Variants in PCDHA5 observed in about 807,000 individuals in gnomAD.
PCDHA5 encodes the protein protocadherin alpha-5.
PCDHA5 carries 43 observed loss-of-function variants against 61.6 expected under a neutral mutation model. The observed-to-expected ratio is 0.70, with a 90% CI of 0.55 to 0.90. The LOEUF is 0.90. PCDHA5 is among the 40% of genes least tolerant of loss of function. PCDHA5 has a pLI of 0.00. For synonymous variants in PCDHA5, 627 were observed against 543.9 expected, an observed-to-expected ratio of 1.15 and a Z score of -2.13; for missense variants, 1,298 against 1,222.7, an observed-to-expected ratio of 1.06 and a Z score of -0.92.
At chr5:140,914,782 G>T (rs563426406) in intron 1 of PCDHA5, among the ~76,000 whole-genome samples, 3 of 151,862 alleles carry the variant, frequency 2.0e-5, no homozygotes, top group Non-Finnish European at 4.4e-5. Context: ...CTTATCTTAT[G>T]ACCCATTATT....
intron 3 of PCDHA5, among the ~76,000 whole-genome samples, chr5:141,003,829 A>G (rs1220753607): frequency 1.3e-5 from 2 of 152,184 alleles, no homozygotes; most frequent in Admixed American, 6.5e-5. Flanking sequence ...GGCTCTGCCT[A>G]ACGATTCAGA....
chr5:140,909,996 T>G (rs549464312), intron 1 of PCDHA5, among the ~76,000 whole-genome samples: 5 of 152,310 alleles, frequency 3.3e-5, no homozygotes, highest in African/African-American at 1.2e-4. Context: ...ACAGCATAAA[T>G]TGTTGTCAGT....
At chr5:140,877,097 T>A in intron 1 of PCDHA5, 1 of 1,613,308 alleles carries the variant, frequency 6.2e-7, no homozygotes, top group Non-Finnish European at 8.5e-7. Context: ...GACGCCGGCG[T>A]GCCGCCTCTG....
intron 1 of PCDHA5, among the ~76,000 whole-genome samples, chr5:140,881,178 G>A (rs924852150): frequency 2.0e-5 from 3 of 152,098 alleles, no homozygotes; most frequent in African/African-American, 7.2e-5. Flanking sequence ...TCTTTTCCTT[G>A]CTAAAGATAT....
intron 1 of PCDHA5, among the ~76,000 whole-genome samples, chr5:140,872,956 T>C (rs2054003251): frequency 6.6e-6 from 1 of 152,228 alleles, no homozygotes; most frequent in Admixed American, 6.5e-5. Context: ...CCACGTAGTA[T>C]CATCCCATCT....
chr5:140,984,641 C>T (rs2153834832), intron 3 of PCDHA5, among the ~76,000 whole-genome samples: 1 of 152,276 alleles, frequency 6.6e-6, no homozygotes, highest in South Asian at 2.1e-4. Context: ...TCTCTGCCTT[C>T]TCCCTGTCCT....
At chr5:140,828,655 C>T (rs1769872389) in intron 1 of PCDHA5, 1 of 1,613,992 alleles carries the variant, frequency 6.2e-7, no homozygotes, top group Non-Finnish European at 8.5e-7. Context: ...ACAGTGATGA[C>T]AATAAACAAA....
intron 1 of PCDHA5, chr5:140,834,189 G>A: frequency 1.7e-6 from 1 of 573,600 alleles, no homozygotes; most frequent in South Asian, 2.6e-5. Flanking sequence ...ACATGATGTC[G>A]CTCTTTACCG....
intron 1 of PCDHA5, chr5:140,861,357 G>A (rs560903391): frequency 3.0e-5 from 10 of 335,976 alleles, no homozygotes; most frequent in East Asian, 7.7e-5. Context: ...GGCACATAGC[G>A]TCTTCGCGGT....
intron 1 of PCDHA5, among the ~76,000 whole-genome samples, chr5:140,910,513 A>G (rs1293675976): frequency 2.0e-5 from 3 of 152,184 alleles, no homozygotes; most frequent in Non-Finnish European, 4.4e-5. Flanking sequence ...CTCTTCAAGG[A>G]TGCAGGTACT....
chr5:140,828,024 C>T (rs1769491669), intron 1 of PCDHA5: 2 of 1,516,724 alleles, frequency 1.3e-6, no homozygotes, highest in African/African-American at 1.4e-5. Flanking sequence ...TAATAAATTC[C>T]GGAACATACA....
chr5:140,848,473 T>C lies in PCDHA5; in HGVS notation c.2352+24346T>C, dbSNP rs2150410947. 9.6e-6 allele frequency: 15 copies of C among 1,556,324 alleles called. No individual in the cohort carries two copies. In the East Asian group the frequency reaches 3.4e-4, roughly 35 times the overall value. On this transcript the variant is annotated intron_variant, in intron 1 of 3. Transcript: ENST00000529859. ...TAATTTGGAGGCAATTTTCACTAATTAGAAGAAGACTGAGTATTTGAAATG... is the reference window on the plus strand; with the variant it reads ...TAATTTGGAGGCAATTTTCACTAATCAGAAGAAGACTGAGTATTTGAAATG...
At chr5:140,861,503 C>T in intron 1 of PCDHA5, 3 of 478,536 alleles carry the variant, frequency 6.3e-6, no homozygotes, top group South Asian at 4.8e-5. Flanking sequence ...TGATAGACCT[C>T]GAGGAGCTGT....
At chr5:140,968,665 T>C (rs782078145) in intron 1 of PCDHA5, 4 of 1,614,042 alleles carry the variant, frequency 2.5e-6, no homozygotes, top group Non-Finnish European at 3.4e-6. Context: ...TGGACCTCTT[T>C]AAGGTAGAGC....
intron 1 of PCDHA5, chr5:140,877,906 A>G: frequency 2.1e-6 from 3 of 1,435,008 alleles, no homozygotes; most frequent in Non-Finnish European, 1.8e-6. Flanking sequence ...TTATAACTAC[A>G]TTCTCTCATT....
At chr5:140,849,302 A>T in intron 1 of PCDHA5, 3 of 1,281,278 alleles carry the variant, frequency 2.3e-6, no homozygotes, top group Non-Finnish European at 3.2e-6. Context: ...CCTCAGATTT[A>T]GACGAAGGCT....
At chr5:140,932,247 G>A (rs1463272112) in intron 1 of PCDHA5, among the ~76,000 whole-genome samples, 2 of 151,822 alleles carry the variant, frequency 1.3e-5, no homozygotes, top group Non-Finnish European at 3.0e-5. Context: ...ATCTAAGAGG[G>A]TACCTCTGAG....
intron 1 of PCDHA5, among the ~76,000 whole-genome samples, chr5:140,945,495 C>A (rs1585197828): frequency 6.6e-6 from 1 of 152,022 alleles, no homozygotes; most frequent in East Asian, 1.9e-4. Context: ...ATACCCAAAG[C>A]AATATTGAGC....
chr5:140,987,805 C>T (rs2097269328), intron 3 of PCDHA5, among the ~76,000 whole-genome samples: 3 of 152,140 alleles, frequency 2.0e-5, no homozygotes. Flanking sequence ...TTTAAAGTGC[C>T]TGTCTCTTTG....
Sources: allele counts gnomAD v4.1 joint callset (sites outside exome capture counted in the v4.1 genomes callset), GRCh38; gene constraint gnomAD v4.1.1; transcripts MANE v1.5; gene names NCBI Gene and HGNC (gene_info 2026-07-23, HGNC 2026-07-21).